Variants in GRM8 observed in about 807,000 individuals in gnomAD.
GRM8 encodes metabotropic glutamate receptor 8.
A neutral mutation model predicts 87.2 loss-of-function variants in GRM8; 47 were observed. The ratio of observed to expected loss-of-function variants is 0.54; its 90% CI spans 0.43 to 0.69. The LOEUF is 0.69. GRM8 is among the 30% of genes least tolerant of loss of function. The pLI, the probability that GRM8 is intolerant of heterozygous loss-of-function variation, is 0.00. For synonymous variants in GRM8, 396 were observed against 404.5 expected, an observed-to-expected ratio of 0.98 and a Z score of 0.25; for missense variants, 1,019 against 1,139.2, an observed-to-expected ratio of 0.89 and a Z score of 1.52.
chr7:126,533,233 C>T lies in GRM8; in HGVS notation c.2149G>A (p.Asp717Asn). The change falls in exon 9 of 11, where the codon GAT becomes AAT. Residue 717 changes from aspartate (D) to asparagine (N), a missense_variant. Physicochemically the swap from Asp to Asn is conservative, Grantham distance 23. Coordinates refer to ENST00000339582, the MANE Select transcript of GRM8 (RefSeq NM_000845.3). ...TAGTCAATGATGATGTGGGGGGGAT[C>T]CACAACAAACCAGACAAACACTCCA... ...LLGVFVWFVV[D>N]PPHIIIDYGE... 6.2e-7 allele frequency: 1 copy of T among 1,613,116 alleles called. No individual in the cohort carries two copies. The highest frequency in any genetic ancestry group is 8.5e-7 in the Non-Finnish European group (1 of 1,179,812).
intron 7 of GRM8, among the ~76,000 whole-genome samples, chr7:126,656,312 G>A (rs1359939831): frequency 1.3e-5 from 2 of 152,124 alleles, no homozygotes; most frequent in African/African-American, 4.8e-5. Flanking sequence ...ACGGCCTGGG[G>A]CATCTTATTG....
At chr7:127,028,748 T>A (rs1817061991) in intron 3 of GRM8, among the ~76,000 whole-genome samples, 1 of 152,166 alleles carries the variant, frequency 6.6e-6, no homozygotes, top group Non-Finnish European at 1.5e-5. Flanking sequence ...TTGCTAGCAG[T>A]CTATCAATTT....
chr7:126,765,552 T>G (rs1818108468), intron 7 of GRM8, among the ~76,000 whole-genome samples: 1 of 152,016 alleles, frequency 6.6e-6, no homozygotes, highest in Admixed American at 6.6e-5. Context: ...ATAAATAAGG[T>G]TCTCATAGCA....
intron 8 of GRM8, 87 bp from the exon 9 acceptor site, chr7:126,533,974 G>T: frequency 1.1e-6 from 1 of 929,888 alleles, no homozygotes. Flanking sequence ...ATGAATCACA[G>T]AATGCTGACA....
At chr7:126,459,087 T>C (rs1267004979) in intron 9 of GRM8, among the ~76,000 whole-genome samples, 1 of 150,748 alleles carries the variant, frequency 6.6e-6, no homozygotes, top group Non-Finnish European at 1.5e-5. Context: ...CAGAAAACTA[T>C]AGTACTCATA....
At position 126,827,357 on chromosome 7, in the gene GRM8, T is replaced by C. The variant is rs931742070; in HGVS notation, c.1157-57292A>G. On this transcript the variant is annotated intron_variant, in intron 6 of 10. Transcript: ENST00000339582. The stretch of plus-strand genomic sequence containing the variant: ...CTTCCCATCCATGAGGATGGAATGT[T>C]CTTCCATTTGTCTGTATCCTCTTTT... Among the ~76,000 whole-genome samples, 3 of 152,216 alleles carry C rather than the reference T, an allele frequency of 2.0e-5. No homozygotes were observed. In the East Asian group the frequency reaches 5.8e-4, roughly 29 times the overall value.
In GRM8 at chr7:127,039,405, T is replaced by A. The variant is rs375549394; in HGVS notation, c.727+67091A>T. 2.6e-5 allele frequency among the ~76,000 whole-genome samples: 4 copies of A among 152,146 alleles called. 1 individual carries two copies. The highest frequency in any genetic ancestry group is 6.5e-5 in the Admixed American group (1 of 15,302). ...GGGAGGCCTCAGAAAAAAGCAACCC[T>A]GCCAACGCCTTGATCTCAGGCTTTT... On this transcript the variant is annotated intron_variant, in intron 3 of 10. Coordinates refer to ENST00000339582, the MANE Select transcript of GRM8 (RefSeq NM_000845.3).
At chr7:126,849,906 A>C (rs1303631584) in intron 6 of GRM8, among the ~76,000 whole-genome samples, 1 of 152,064 alleles carries the variant, frequency 6.6e-6, no homozygotes, top group Non-Finnish European at 1.5e-5. Context: ...CCTGCACCAT[A>C]ATGTCCCCTC....
rs182761729 is a variant in GRM8 at position 127,006,985 on chromosome 7, G to A, written c.727+99511C>T. Among the ~76,000 whole-genome samples the A allele has an allele frequency of 2.3e-3, 348 of 151,800 alleles. 2 individuals are homozygous for A. The highest frequency in any genetic ancestry group is 0.01 in the Middle Eastern group (3 of 294). On this transcript the variant is annotated intron_variant, in intron 3 of 10. Coordinates refer to ENST00000339582, the MANE Select transcript of GRM8 (RefSeq NM_000845.3). ...TCTTAGTAACAGTCTTTTATTTTACGTAGCCAGCCTCAGTCTGTCAACTGA... is the reference window on the plus strand; with the variant it reads ...TCTTAGTAACAGTCTTTTATTTTACATAGCCAGCCTCAGTCTGTCAACTGA...
At chr7:126,934,678 G>A (rs1181151617) in intron 3 of GRM8, among the ~76,000 whole-genome samples, 1 of 152,138 alleles carries the variant, frequency 6.6e-6, no homozygotes, top group African/African-American at 2.4e-5. Context: ...AAAGGAGGTA[G>A]TCTTTTCTGT....
intron 3 of GRM8, among the ~76,000 whole-genome samples, chr7:126,990,552 G>T (rs1369377669): frequency 2.6e-5 from 4 of 152,212 alleles, no homozygotes; most frequent in Non-Finnish European, 5.9e-5. Flanking sequence ...CAGATAGCTT[G>T]ATGTGGGAAT....
intron 7 of GRM8, among the ~76,000 whole-genome samples, chr7:126,671,806 G>A (rs1035572050): frequency 1.3e-5 from 2 of 152,150 alleles, no homozygotes; most frequent in Admixed American, 1.3e-4. Flanking sequence ...ATCCCAGCAA[G>A]CATAACTATG....
chr7:127,122,470 T>TA (rs61078885), intron 2 of GRM8, among the ~76,000 whole-genome samples: 23,561 of 147,746 alleles, frequency 0.16, 2,502 homozygotes, highest in African/African-American at 0.3. Context: ...GCTTTCTATT[T>TA]AAAAAAAAAA....
At chr7:126,509,993 C>T (rs1451449378) in intron 9 of GRM8, among the ~76,000 whole-genome samples, 1 of 151,982 alleles carries the variant, frequency 6.6e-6, no homozygotes, top group Non-Finnish European at 1.5e-5. Flanking sequence ...CACACACATG[C>T]ACACATGATG....
intron 7 of GRM8, among the ~76,000 whole-genome samples, chr7:126,618,446 C>G (rs1453036196): frequency 6.6e-6 from 1 of 152,140 alleles, no homozygotes; most frequent in African/African-American, 2.4e-5. Flanking sequence ...CTGGGCAATA[C>G]CATTCACGAC....
rs150692471 is a variant in GRM8 at position 126,736,159 on chromosome 7, C to A, written c.1357+33706G>T. Among the ~76,000 whole-genome samples, 971 of 152,036 alleles carry A rather than the reference C, an allele frequency of 6.4e-3. 10 individuals carry two copies. The highest frequency in any genetic ancestry group is 0.022 in the African/African-American group (903 of 41,482). ...GCAATTCTGTGATCTATTCCAGAACCAGGGGCCAGGAAATCCTCCGACAGA... is the reference window on the plus strand; with the variant it reads ...GCAATTCTGTGATCTATTCCAGAACAAGGGGCCAGGAAATCCTCCGACAGA... On this transcript the variant is annotated intron_variant, in intron 7 of 10. Coordinates refer to ENST00000339582, the MANE Select transcript of GRM8 (RefSeq NM_000845.3).
intron 3 of GRM8, among the ~76,000 whole-genome samples, chr7:126,979,521 C>T (rs1207170232): frequency 6.6e-6 from 1 of 152,084 alleles, no homozygotes; most frequent in Non-Finnish European, 1.5e-5. Flanking sequence ...TTATATGAGC[C>T]TAGTCCGTCT....
At chr7:126,628,433 G>A (rs1800912641) in intron 7 of GRM8, among the ~76,000 whole-genome samples, 1 of 152,104 alleles carries the variant, frequency 6.6e-6, no homozygotes, top group Non-Finnish European at 1.5e-5. Context: ...AACTGGAATT[G>A]CCCTAAATGC....
intron 7 of GRM8, among the ~76,000 whole-genome samples, chr7:126,769,520 C>A (rs556441281): frequency 1.2e-4 from 18 of 152,196 alleles, no homozygotes; most frequent in East Asian, 3.9e-4. Flanking sequence ...TGTCTACAAT[C>A]TCTTCTCTAA....
Sources: allele counts gnomAD v4.1 joint callset (sites outside exome capture counted in the v4.1 genomes callset), GRCh38; gene constraint gnomAD v4.1.1; transcripts MANE v1.5; gene names NCBI Gene and HGNC (gene_info 2026-07-23, HGNC 2026-07-21).